Variants in TUSC3 observed in about 807,000 individuals in gnomAD.
The protein encoded by TUSC3 is tumor suppressor candidate 3.
Under a neutral mutation model 44.8 loss-of-function variants are expected in TUSC3, and 45 were observed. That is an observed-to-expected ratio of 1.00 (90% confidence interval 0.79 to 1.29). TUSC3 has a LOEUF of 1.29. Among genes scored for constraint, TUSC3 ranks in the 50% most tolerant of loss-of-function variants. The pLI, the probability that TUSC3 is intolerant of heterozygous loss-of-function variation, is 0.00. For missense variants in TUSC3, 519 were observed against 437.9 expected, an observed-to-expected ratio of 1.19 and a Z score of -1.65; for synonymous variants, 212 against 152.9, an observed-to-expected ratio of 1.39 and a Z score of -2.85.
intron 2 of TUSC3, among the ~76,000 whole-genome samples, chr8:15,514,839 T>C (rs926959668): frequency 6.6e-6 from 1 of 152,168 alleles, no homozygotes; most frequent in African/African-American, 2.4e-5. Context: ...GCTAGGCTGA[T>C]TGATTTCAAC....
chr8:15,492,543 C>T (rs1388284365), intron 2 of TUSC3, among the ~76,000 whole-genome samples: 4 of 152,000 alleles, frequency 2.6e-5, no homozygotes, highest in Non-Finnish European at 5.9e-5. Context: ...TGGTAAGAGA[C>T]CTATTTCTGG....
rs1051077649 is a variant in TUSC3, at chr8:15,493,824, C to T, written n.189+10341C>T. On this transcript the variant is annotated intron_variant and non_coding_transcript_variant, in intron 2 of 5. Transcript: ENST00000503191. ...ACCAAGTAGCCAATTATAACCTTTC[C>T]GATTGAGTTTGGAAACTGAAATATC... 3.9e-5 allele frequency among the ~76,000 whole-genome samples: 6 copies of T among 152,082 alleles called. No homozygotes were observed. The South Asian group carries it at 6.2e-4, about 16-fold the overall frequency.
chr8:15,738,275 T>C (rs1811021063), intron 7 of TUSC3, among the ~76,000 whole-genome samples: 2 of 152,220 alleles, frequency 1.3e-5, no homozygotes, highest in Admixed American at 1.3e-4. Flanking sequence ...ACTTTAAGGT[T>C]GTGTGCACAA....
At chr8:15,821,647 A>G in the TUSC3 span, among the ~76,000 whole-genome samples, 1 of 151,536 alleles carries the variant, frequency 6.6e-6, no homozygotes, top group Non-Finnish European at 1.5e-5. Flanking sequence ...AAAACCTCTC[A>G]TTGAGTCAAA....
chr8:15,816,147 A>G, the TUSC3 span, among the ~76,000 whole-genome samples: 1 of 152,126 alleles, frequency 6.6e-6, no homozygotes, highest in Non-Finnish European at 1.5e-5. Context: ...TGTAACCTGG[A>G]GGGAGGTTTA....
At chr8:15,551,538 A>G (rs1802060759) in intron 1 of TUSC3, among the ~76,000 whole-genome samples, 1 of 151,744 alleles carries the variant, frequency 6.6e-6, no homozygotes, top group South Asian at 2.1e-4. Flanking sequence ...TCAAATAGCA[A>G]TTAAATTTAC....
intron 2 of TUSC3, among the ~76,000 whole-genome samples, chr8:15,488,146 T>G (rs1800757885): frequency 6.6e-6 from 1 of 152,204 alleles, no homozygotes; most frequent in South Asian, 2.1e-4. Flanking sequence ...TATTGAAGTT[T>G]CCTTTTCCTG....
chr8:15,730,814 T>A, intron 7 of TUSC3, 85 bp downstream of exon 7: 2 of 1,332,002 alleles, frequency 1.5e-6, no homozygotes, highest in Non-Finnish European at 2.1e-6. Context: ...GCAGTAAATA[T>A]CAAGACTTTT....
chr8:15,677,866 C>T (rs1808258509), intron 6 of TUSC3, among the ~76,000 whole-genome samples: 1 of 152,184 alleles, frequency 6.6e-6, no homozygotes, highest in Admixed American at 6.5e-5. Context: ...GAGACATCCA[C>T]TGGTTGGAGA....
intron 2 of TUSC3, among the ~76,000 whole-genome samples, chr8:15,647,982 CT>C (rs1209274415): frequency 6.6e-6 from 1 of 152,096 alleles, no homozygotes; most frequent in East Asian, 1.9e-4. Context: ...CCAGGTTGTT[CT>C]TTTCTCATTC....
chr8:15,428,122 C>G (rs1799828611), intron 1 of TUSC3, among the ~76,000 whole-genome samples: 1 of 104,108 alleles, frequency 9.6e-6, no homozygotes, highest in Non-Finnish European at 1.8e-5. Flanking sequence ...CGCCCCCCTC[C>G]CCCCACCCCA....
At chr8:15,801,011 A>T in the TUSC3 span, among the ~76,000 whole-genome samples, 1 of 152,298 alleles carries the variant, frequency 6.6e-6, no homozygotes, top group African/African-American at 2.4e-5. Context: ...GTCCCGATCC[A>T]GATCCCCAGA....
intron 1 of TUSC3, among the ~76,000 whole-genome samples, chr8:15,585,692 C>A (rs1313823330): frequency 6.6e-6 from 1 of 152,098 alleles, no homozygotes; most frequent in East Asian, 1.9e-4. Context: ...TGGAATTTTC[C>A]ATTGTGGGAC....
At chr8:15,557,123 T>G (rs1427241555) in intron 1 of TUSC3, among the ~76,000 whole-genome samples, 1 of 50,592 alleles carries the variant, frequency 2.0e-5, no homozygotes, top group African/African-American at 7.3e-5. Context: ...TCTTCTAGGG[T>G]TTTTATGGTT....
chr8:15,479,765 G>A (rs140032335), intron 1 of TUSC3, among the ~76,000 whole-genome samples: 42 of 152,154 alleles, frequency 2.8e-4, no homozygotes, highest in African/African-American at 9.4e-4. Context: ...GGCTATATTG[G>A]CTCTTTTTCA....
intron 1 of TUSC3, among the ~76,000 whole-genome samples, chr8:15,570,454 T>C (rs1196145551): frequency 1.3e-5 from 2 of 152,160 alleles, no homozygotes; most frequent in African/African-American, 4.8e-5. Flanking sequence ...GAGGCCTATG[T>C]CATTTTTTTC....
intron 1 of TUSC3, among the ~76,000 whole-genome samples, chr8:15,589,109 G>T (rs778392276): frequency 5.3e-5 from 8 of 152,076 alleles, no homozygotes; most frequent in Non-Finnish European, 1.2e-4. Flanking sequence ...AAGTCTGTTT[G>T]TCAGATACAA....
chr8:15,540,542 C>G lies in TUSC3; in HGVS notation c.112C>G (p.Leu38Val), dbSNP rs1801646764. Residue 38 changes from leucine (L) to valine (V), a missense_variant, in exon 1 of 11, where the codon CTC becomes GTC. Coordinates refer to ENST00000503731, the MANE Select transcript of TUSC3 (RefSeq NM_006765.4). ...LLLLLLLCIQ[L>V]GGGQKKKENL... ...CCTGCTGCTGCTGCTCTGCATCCAG[C>G]TCGGGGGAGGACAGAAGAAAAAGGA... is the stretch of plus-strand genomic sequence containing the variant. The G allele has an allele frequency of 1.3e-6, 2 of 1,599,880 alleles. No homozygotes were observed. Among genetic ancestry groups the G allele is most frequent in the African/African-American group, 2.7e-5 (2 of 73,060 alleles).
At chr8:15,577,673 A>G (rs1161516706) in intron 1 of TUSC3, among the ~76,000 whole-genome samples, 3 of 145,446 alleles carry the variant, frequency 2.1e-5, no homozygotes, top group Non-Finnish European at 4.5e-5. Context: ...ATTGATCTAT[A>G]TCTCTGTTTT....
Sources: allele counts gnomAD v4.1 joint callset (sites outside exome capture counted in the v4.1 genomes callset), GRCh38; gene constraint gnomAD v4.1.1; transcripts MANE v1.5; gene names NCBI Gene and HGNC (gene_info 2026-07-23, HGNC 2026-07-21).